TUT4: variants seen among roughly 807,000 people sequenced by gnomAD.
TUT4 encodes the protein terminal uridylyl transferase 4, also known as terminal uridylyltransferase 4.
TUT4 carries 36 observed loss-of-function variants against 192.2 expected under a neutral mutation model. The observed-to-expected ratio is 0.19, with a 90% CI of 0.14 to 0.25. TUT4 has a LOEUF of 0.25. Among genes scored for constraint, TUT4 ranks in the 10% least tolerant of loss-of-function variants. TUT4 has a pLI of 1.00. For synonymous variants in TUT4, 618 were observed against 666.0 expected (o/e 0.93, Z 1.11); for missense variants, 1,493 against 1,957.2 (o/e 0.76, Z 4.47).
At position 52,425,162 on chromosome 1, in the gene TUT4, AGT is replaced by A. The variant is rs1649419612; in HGVS notation, c.4870+185_4870+186del. ...TTAACATGTCTGGCTTTCCTAATAA[AGT>A]GTGCATCAAGTAATGGAGATTTTGT... On this transcript the variant is annotated intron_variant, in intron 29 of 29. Transcript: ENST00000257177. 1.3e-5 allele frequency: 7 copies of A among 552,628 alleles called. No individual in the cohort carries two copies. The East Asian group carries it at 2.2e-4, about 18-fold the overall frequency. The allele number at this position is 552,628 out of a possible 1,614,324, so 34.2% of individuals were successfully genotyped here. A position where few individuals can be genotyped will look rare whatever the true frequency, so the allele number is the denominator to read the frequency against.
intron 3 of TUT4, among the ~76,000 whole-genome samples, chr1:52,511,509 C>A (rs1055716029): frequency 2.0e-5 from 3 of 152,194 alleles, no homozygotes; most frequent in African/African-American, 4.8e-5. Flanking sequence ...AACAAATGCA[C>A]AAATATGCCT....
chr1:52,491,473 A>C (rs1238179406), intron 7 of TUT4, among the ~76,000 whole-genome samples: 1 of 152,084 alleles, frequency 6.6e-6, no homozygotes, highest in Non-Finnish European at 1.5e-5. Flanking sequence ...GTGGATCACG[A>C]GGTCAGGAGT....
intron 4 of TUT4, among the ~76,000 whole-genome samples, chr1:52,500,054 G>A (rs1200373617): frequency 1.3e-5 from 2 of 151,416 alleles, no homozygotes; most frequent in African/African-American, 2.4e-5. Context: ...CCAGGGAGGT[G>A]GAGGTTGCAG....
chr1:52,524,626 T>A (rs190463995), intron 2 of TUT4, among the ~76,000 whole-genome samples: 3 of 151,712 alleles, frequency 2.0e-5, no homozygotes, highest in East Asian at 3.9e-4. Context: ...GCCAATATGG[T>A]GAAATCCCGT....
intron 4 of TUT4, among the ~76,000 whole-genome samples, chr1:52,499,899 C>T (rs1196226347): frequency 2.6e-5 from 4 of 151,402 alleles, no homozygotes; most frequent in Non-Finnish European, 5.9e-5. Context: ...GATGAAACCC[C>T]GTCTCTACTA....
intron 2 of TUT4, among the ~76,000 whole-genome samples, chr1:52,518,496 G>A (rs981285926): frequency 6.6e-6 from 1 of 152,100 alleles, no homozygotes; most frequent in African/African-American, 2.4e-5. Flanking sequence ...GGCCAGATTA[G>A]GACCTCACCA....
intron 4 of TUT4, among the ~76,000 whole-genome samples, chr1:52,505,399 T>C (rs565453648): frequency 6.0e-5 from 9 of 150,638 alleles, no homozygotes; most frequent in Non-Finnish European, 7.4e-5. Context: ...AGTCGTCTTC[T>C]ACTCCTAGTT....
chr1:52,493,687 G>A (rs755308907), intron 6 of TUT4, 25 bp from the exon 7 acceptor site: 31 of 1,419,734 alleles, frequency 2.2e-5, no homozygotes, highest in South Asian at 2.0e-4. Context: ...AAAATAAATC[G>A]ATATACTAAT....
intron 27 of TUT4, chr1:52,432,038 A>G (rs1341303707): frequency 6.6e-6 from 1 of 152,212 alleles, no homozygotes; most frequent in African/African-American, 2.4e-5. Flanking sequence ...ACCCATATAT[A>G]CAAAAAGTTG....
intron 28 of TUT4, among the ~76,000 whole-genome samples, chr1:52,430,768 T>G (rs1463559457): frequency 1.3e-5 from 2 of 152,240 alleles, no homozygotes; most frequent in African/African-American, 4.8e-5. Context: ...GTGAGTTAGA[T>G]GGCCTATTTT....
chr1:52,444,959 A>ATGTATATACATGTATG (rs1657028144), intron 24 of TUT4, among the ~76,000 whole-genome samples: 2 of 150,194 alleles, frequency 1.3e-5, no homozygotes, highest in Non-Finnish European at 3.0e-5. Context: ...GTGTATATAC[A>ATGTATATACATGTATG]TGTATATACA....
chr1:52,465,002 AC>A, intron 16 of TUT4, 67 bp downstream of exon 16: 3 of 1,250,458 alleles, frequency 2.4e-6, no homozygotes, highest in Middle Eastern at 1.9e-4. Flanking sequence ...AATATCACAT[AC>A]AAAAATAAAC....
chr1:52,433,159 C>G (rs1319969116), intron 27 of TUT4: 1 of 152,118 alleles, frequency 6.6e-6, no homozygotes, highest in African/African-American at 2.4e-5. Context: ...ATCTCCGCCT[C>G]CTGGGTTCGA....
At chr1:52,485,678 T>A (rs1192364485) in intron 9 of TUT4, among the ~76,000 whole-genome samples, 1 of 129,186 alleles carries the variant, frequency 7.7e-6, no homozygotes, top group Non-Finnish European at 1.5e-5. Flanking sequence ...CATCTAGGAT[T>A]TTTTTTTCTG....
chr1:52,545,083 AAC>A (rs1448875263), intron 1 of TUT4, among the ~76,000 whole-genome samples: 38 of 151,210 alleles, frequency 2.5e-4, no homozygotes, highest in African/African-American at 8.8e-4. Context: ...CCAGAAAAGA[AAC>A]AGAGTAAAGG....
chr1:52,467,690 C>T (rs990951336), intron 15 of TUT4, among the ~76,000 whole-genome samples: 2 of 152,184 alleles, frequency 1.3e-5, no homozygotes, highest in African/African-American at 4.8e-5. Context: ...GCACTAATGA[C>T]TTAATCCCTA....
At position 52,441,237 on chromosome 1, in the gene TUT4, G is replaced by A. The variant is rs115640517; in HGVS notation, c.3823-2902C>T. On this transcript the variant is annotated intron_variant, in intron 24 of 29. Transcript: ENST00000257177. ...TCAGAGGAAAAGCATCCACTGGAGT[G>A]AGAAGGGCAGAGGTAAAAGGTGGGA... Among the ~76,000 whole-genome samples, 1,147 of 150,964 alleles carry A rather than the reference G, an allele frequency of 7.6e-3. 22 individuals carry two copies. Among genetic ancestry groups the A allele is most frequent in the African/African-American group, 0.026 (1,068 of 41,154 alleles).
rs114670018 is a variant in TUT4 at position 52,517,296 on chromosome 1, C to A, written c.719-1242G>T. Among the ~76,000 whole-genome samples the A allele has an allele frequency of 3.6e-3, 549 of 152,252 alleles. 3 individuals are homozygous for A. Among genetic ancestry groups the A allele is most frequent in the African/African-American group, 0.013 (524 of 41,542 alleles). Reference sequence around the variant, plus strand: ...TTACTTTTACCTTCAGATTTTAATACAATGCCTAGATCTGAGCTAATGCTC... The same window carrying A: ...TTACTTTTACCTTCAGATTTTAATAAAATGCCTAGATCTGAGCTAATGCTC... On this transcript the variant is annotated intron_variant, in intron 2 of 29. Transcript: ENST00000257177.
At chr1:52,542,946 C>A (rs1428122856) in intron 1 of TUT4, among the ~76,000 whole-genome samples, 1 of 151,818 alleles carries the variant, frequency 6.6e-6, no homozygotes, top group East Asian at 1.9e-4. Context: ...GTAGAGACAG[C>A]GTTTCTCCAT....
Sources: allele counts gnomAD v4.1 joint callset (sites outside exome capture counted in the v4.1 genomes callset), GRCh38; gene constraint gnomAD v4.1.1; transcripts MANE v1.5; gene names NCBI Gene and HGNC (gene_info 2026-07-23, HGNC 2026-07-21).